Variants in GMDS observed in about 807,000 individuals in gnomAD.
GMDS encodes the protein GDP-mannose 4,6-dehydratase.
GMDS carries 20 observed loss-of-function variants against 49.9 expected under a neutral mutation model. The ratio of observed to expected loss-of-function variants is 0.40; its 90% CI spans 0.28 to 0.58. GMDS has a LOEUF of 0.58. Ranked by LOEUF, GMDS falls within the 20% of genes least tolerant of loss-of-function variation. The probability of loss-of-function intolerance (pLI) is 0.42; values close to 1 mark genes in which losing one functional copy is unlikely to be tolerated. For synonymous variants in GMDS, 177 were observed against 178.6 expected, an observed-to-expected ratio of 0.99 and a Z score of 0.07; for missense variants, 362 against 481.4, an observed-to-expected ratio of 0.75 and a Z score of 2.32.
intron 7 of GMDS, among the ~76,000 whole-genome samples, chr6:1,928,577 C>T (rs915575711): frequency 2.0e-5 from 3 of 152,094 alleles, no homozygotes; most frequent in African/African-American, 4.8e-5. Flanking sequence ...AATTTCTAAG[C>T]GTGAACCTAT....
chr6:1,987,252 G>A (rs1581468329), intron 4 of GMDS, among the ~76,000 whole-genome samples: 1 of 152,062 alleles, frequency 6.6e-6, no homozygotes, highest in South Asian at 2.1e-4. Flanking sequence ...GTCTAAATGT[G>A]GGAAAGGAAT....
chr6:1,756,184 CAT>C (rs1767933582), intron 7 of GMDS, among the ~76,000 whole-genome samples: 1 of 151,632 alleles, frequency 6.6e-6, no homozygotes, highest in Admixed American at 6.6e-5. Flanking sequence ...GAAAAATACA[CAT>C]ATAAACAAAG....
At chr6:1,747,458 C>CCA (rs1767542005) in intron 7 of GMDS, among the ~76,000 whole-genome samples, 1 of 43,042 alleles carries the variant, frequency 2.3e-5, no homozygotes, top group Admixed American at 3.8e-4. Context: ...AACCTTAAAA[C>CCA]TACACACACA....
At chr6:1,860,977 C>A (rs1275121644) in intron 7 of GMDS, among the ~76,000 whole-genome samples, 1 of 152,188 alleles carries the variant, frequency 6.6e-6, no homozygotes, top group Non-Finnish European at 1.5e-5. Flanking sequence ...CACTCACATG[C>A]CCTTGGCCCA....
intron 1 of GMDS, among the ~76,000 whole-genome samples, chr6:2,198,530 C>G (rs1779371588): frequency 6.7e-6 from 1 of 149,854 alleles, no homozygotes; most frequent in Admixed American, 6.6e-5. Flanking sequence ...TAATCATGTT[C>G]CAGAGATCAC....
intron 9 of GMDS, among the ~76,000 whole-genome samples, chr6:1,655,214 G>C (rs1212028659): frequency 6.6e-6 from 1 of 152,090 alleles, no homozygotes; most frequent in African/African-American, 2.4e-5. Context: ...CTACTTCCTT[G>C]GGGGTATCTG....
At chr6:2,202,110 T>A (rs1287742938) in intron 1 of GMDS, among the ~76,000 whole-genome samples, 212 of 80,928 alleles carry the variant, frequency 2.6e-3, no homozygotes, top group South Asian at 7.8e-3. Context: ...ATCCGAGATG[T>A]AACCATCTAG....
At chr6:2,117,619 T>G (rs1774917606) in intron 2 of GMDS, 63 bp from the exon 3 acceptor site, 1 of 836,786 alleles carries the variant, frequency 1.2e-6, no homozygotes, top group Non-Finnish European at 2.1e-6. Context: ...CTTCTTTAGC[T>G]AATGTTTAGC....
At chr6:1,976,475 C>A (rs930042672) in intron 4 of GMDS, among the ~76,000 whole-genome samples, 1 of 152,184 alleles carries the variant, frequency 6.6e-6, no homozygotes, top group African/African-American at 2.4e-5. Context: ...GTTCCAATAT[C>A]ATCCAATATG....
At chr6:1,679,677 A>G (rs1378628914) in intron 9 of GMDS, 1 of 152,252 alleles carries the variant, frequency 6.6e-6, no homozygotes, top group African/African-American at 2.4e-5. Flanking sequence ...GATTACTGCA[A>G]GTTGTTACAG....
chr6:2,220,254 C>T lies in GMDS; in HGVS notation c.102+25067G>A, dbSNP rs141318286. On this transcript the variant is annotated intron_variant, in intron 1 of 10. Coordinates refer to ENST00000380815, the MANE Select transcript of GMDS (RefSeq NM_001500.4). ...ACTTCTGATGTTTCTTTTCACCCAC[C>T]AAACACAAGATACAGGTACGGTAAC... Among the ~76,000 whole-genome samples the T allele has an allele frequency of 1.6e-3, 243 of 152,278 alleles. 1 individual carries two copies. Among genetic ancestry groups the T allele is most frequent in the African/African-American group, 5.3e-3 (221 of 41,546 alleles).
At chr6:2,223,782 C>A (rs1247123946) in intron 1 of GMDS, among the ~76,000 whole-genome samples, 1 of 152,086 alleles carries the variant, frequency 6.6e-6, no homozygotes, top group Admixed American at 6.6e-5. Flanking sequence ...CTATGAAATA[C>A]CTACATGGAA....
chr6:1,717,194 T>A (rs761149), intron 9 of GMDS, among the ~76,000 whole-genome samples: 1 of 152,216 alleles, frequency 6.6e-6, no homozygotes, highest in Non-Finnish European at 1.5e-5. Context: ...CCTCCAGAAC[T>A]GTAAGACAAT....
intron 4 of GMDS, among the ~76,000 whole-genome samples, chr6:2,064,341 A>G (rs1189042403): frequency 6.6e-6 from 1 of 152,190 alleles, no homozygotes; most frequent in African/African-American, 2.4e-5. Flanking sequence ...AAATCAGAAT[A>G]AGAAATAAGG....
intron 4 of GMDS, among the ~76,000 whole-genome samples, chr6:2,109,193 G>GTGAA (rs1235212597): frequency 6.6e-6 from 1 of 152,216 alleles, no homozygotes. Context: ...TGGGACTGAA[G>GTGAA]TGAAGGAGGA....
chr6:2,111,827 C>T (rs978362222), intron 4 of GMDS, among the ~76,000 whole-genome samples: 1 of 152,156 alleles, frequency 6.6e-6, no homozygotes. Context: ...TTCTACAAAG[C>T]TGATTAATAT....
At chr6:1,777,707 G>T (rs935209732) in intron 7 of GMDS, among the ~76,000 whole-genome samples, 1 of 152,172 alleles carries the variant, frequency 6.6e-6, no homozygotes, top group African/African-American at 2.4e-5. Context: ...ATGATCTTTG[G>T]ATGAAATTCA....
intron 9 of GMDS, among the ~76,000 whole-genome samples, chr6:1,664,998 C>T (rs1016398214): frequency 1.1e-4 from 16 of 152,346 alleles, no homozygotes; most frequent in African/African-American, 3.6e-4. Flanking sequence ...CACATCTCTA[C>T]CACAGAGTAC....
At chr6:1,734,950 G>C (rs1766950021) in intron 8 of GMDS, among the ~76,000 whole-genome samples, 1 of 152,224 alleles carries the variant, frequency 6.6e-6, no homozygotes, top group Admixed American at 6.5e-5. Context: ...CGCAGAGCTA[G>C]CATTTCAAAG....
Sources: allele counts gnomAD v4.1 joint callset (sites outside exome capture counted in the v4.1 genomes callset), GRCh38; gene constraint gnomAD v4.1.1; transcripts MANE v1.5; gene names NCBI Gene and HGNC (gene_info 2026-07-23, HGNC 2026-07-21).